The following JAKMIP3 variants were observed in gnomAD, a reference collection of about 807,000 sequenced individuals.
JAKMIP3 encodes janus kinase and microtubule-interacting protein 3.
A neutral mutation model predicts 118.5 loss-of-function variants in JAKMIP3; 58 were observed. The ratio of observed to expected loss-of-function variants is 0.49; its 90% CI spans 0.40 to 0.61. JAKMIP3 has a LOEUF of 0.61. JAKMIP3 is among the 20% of genes least tolerant of loss of function. The probability of loss-of-function intolerance (pLI) is 0.00; values close to 1 mark genes in which losing one functional copy is unlikely to be tolerated. For missense variants in JAKMIP3, 950 were observed against 1,109.0 expected, an observed-to-expected ratio of 0.86 and a Z score of 2.04; for synonymous variants, 486 against 451.2, an observed-to-expected ratio of 1.08 and a Z score of -0.98.
intron 19 of JAKMIP3, among the ~76,000 whole-genome samples, chr10:132,158,554 G>A (rs1306966331): frequency 6.6e-6 from 1 of 152,266 alleles, no homozygotes; most frequent in Non-Finnish European, 1.5e-5. Flanking sequence ...GCACATGGTT[G>A]CTGGTTGGGC....
chr10:132,170,417 CT>C (rs2059383325), intron 23 of JAKMIP3, among the ~76,000 whole-genome samples: 1 of 152,174 alleles, frequency 6.6e-6, no homozygotes, highest in South Asian at 2.1e-4. Flanking sequence ...CGGGCCAGGC[CT>C]CACAGCAGGG....
At chr10:132,120,729 G>A (rs892738312) in intron 3 of JAKMIP3, among the ~76,000 whole-genome samples, 1 of 152,164 alleles carries the variant, frequency 6.6e-6, no homozygotes, top group Admixed American at 6.5e-5. Flanking sequence ...CTGTCCCAAT[G>A]GGGCCCCCTT....
rs867618399 is a variant in JAKMIP3, at chr10:132,068,637, G to A, written c.-138+2576G>A. ...GAGGTGTCTCCTGTCCTGCACCTTA[G>A]CCCCAGGAGCTGCCTGGGCCTGCTT... On this transcript the variant is annotated intron_variant, in intron 1 of 23. Transcript: ENST00000684848. 2.6e-5 allele frequency among the ~76,000 whole-genome samples: 4 copies of A among 152,276 alleles called. No homozygotes were observed. In the South Asian group the frequency reaches 8.3e-4, roughly 32 times the overall value.
rs370991788 is a variant in JAKMIP3 at position 132,168,680 on chromosome 10, AGCTGGGAGCACCGCGG to A, written c.*752_*767del. 5 of 323,598 alleles carry A rather than the reference AGCTGGGAGCACCGCGG, an allele frequency of 1.5e-5. No individual in the cohort carries two copies. The highest frequency in any genetic ancestry group is 1.1e-4 in the African/African-American group (5 of 45,144). 20.0% of individuals were successfully genotyped at this position (323,598 alleles called of 1,614,324 possible). A position where few individuals can be genotyped will look rare whatever the true frequency, so the allele number is the denominator to read the frequency against. On this transcript the variant is annotated 3_prime_UTR_variant, in exon 23 of 24. Transcript: ENST00000684848. Reference sequence around the variant, plus strand: ...AGGCCAAGATCCCGCCCAAGCCGCCAGCTGGGAGCACCGCGGGACTGAGCCAAGGAAGGCGTGGGGA... The same window carrying A: ...AGGCCAAGATCCCGCCCAAGCCGCCAGACTGAGCCAAGGAAGGCGTGGGGA...
chr10:132,113,893 G>A (rs1395961847), intron 2 of JAKMIP3, among the ~76,000 whole-genome samples: 1 of 152,242 alleles, frequency 6.6e-6, no homozygotes, highest in African/African-American at 2.4e-5. Context: ...CCACGTGTGT[G>A]AGCCTGTGTC....
At chr10:132,122,419 G>A (rs1194152355) in intron 3 of JAKMIP3, among the ~76,000 whole-genome samples, 1 of 152,280 alleles carries the variant, frequency 6.6e-6, no homozygotes. Context: ...ACGGGAGGCT[G>A]TTGCCATCTC....
intron 19 of JAKMIP3, among the ~76,000 whole-genome samples, chr10:132,156,252 C>T (rs184796221): frequency 6.6e-6 from 1 of 152,336 alleles, no homozygotes; most frequent in Admixed American, 6.5e-5. Context: ...TTGGCCTCTG[C>T]TCTCCAGCCT....
chr10:132,171,227 G>A (rs907016850), intron 23 of JAKMIP3, among the ~76,000 whole-genome samples: 6 of 152,206 alleles, frequency 3.9e-5, no homozygotes, highest in African/African-American at 7.2e-5. Flanking sequence ...CTCTCCCACC[G>A]CGTCTGCTCC....
chr10:132,150,474 A>C (rs1012268444), intron 16 of JAKMIP3, among the ~76,000 whole-genome samples: 13 of 152,168 alleles, frequency 8.5e-5, no homozygotes, highest in African/African-American at 3.1e-4. Context: ...AAAGAATGTT[A>C]ATTACTGAGT....
chr10:132,085,062 G>C (rs2042208425), intron 1 of JAKMIP3, among the ~76,000 whole-genome samples: 5 of 151,988 alleles, frequency 3.3e-5, no homozygotes. Context: ...TCCTTGTTTT[G>C]GTGTTAGGGT....
At chr10:132,086,443 G>T (rs10870240) in intron 1 of JAKMIP3, among the ~76,000 whole-genome samples, 11,764 of 152,136 alleles carry the variant, frequency 0.077, 1,053 homozygotes, top group African/African-American at 0.22. Context: ...CCTGTCTAGT[G>T]CCGTCAGTGG....
intron 2 of JAKMIP3, among the ~76,000 whole-genome samples, chr10:132,114,589 C>G (rs1026865225): frequency 3.9e-5 from 6 of 152,156 alleles, no homozygotes; most frequent in African/African-American, 1.4e-4. Context: ...TGTCTTGGTT[C>G]TTTGCATTTC....
At chr10:132,165,087 T>G (rs978900264) in intron 21 of JAKMIP3, among the ~76,000 whole-genome samples, 1 of 152,240 alleles carries the variant, frequency 6.6e-6, no homozygotes, top group Non-Finnish European at 1.5e-5. Context: ...AAGCCTGGGC[T>G]GTGTGGAAGC....
upstream of JAKMIP3, among the ~76,000 whole-genome samples, chr10:132,064,571 C>T (rs1252412083): frequency 6.6e-6 from 1 of 152,212 alleles, no homozygotes; most frequent in African/African-American, 2.4e-5. This position sits in a 1 kb window ranked among gnomAD's most constrained non-coding sequence, Gnocchi z 4.4. Context: ...GCCGCATGGC[C>T]TCTTGGCGCT....
chr10:132,129,646 A>T (rs922868527), intron 3 of JAKMIP3, among the ~76,000 whole-genome samples: 2 of 152,130 alleles, frequency 1.3e-5, no homozygotes. Flanking sequence ...CCCCGTGATG[A>T]GAGGCACTGA....
At chr10:132,159,522 TCCTGTGTGATGCTGGGAGGGTCTCTC>T (rs1564981228) in intron 19 of JAKMIP3, among the ~76,000 whole-genome samples, 2 of 115,478 alleles carry the variant, frequency 1.7e-5, no homozygotes, top group Non-Finnish European at 3.5e-5. Context: ...GGGTGTGTCT[TCCTGTGTGATGCTGGGAGGGTCTCTC>T]CCTGTGTGAT....
intron 2 of JAKMIP3, among the ~76,000 whole-genome samples, chr10:132,115,055 A>G (rs929749900): frequency 6.6e-6 from 1 of 152,206 alleles, no homozygotes; most frequent in Non-Finnish European, 1.5e-5. Context: ...GCGAGGGTGA[A>G]TTACGCATGA....
intron 13 of JAKMIP3, among the ~76,000 whole-genome samples, chr10:132,146,097 C>T (rs1221459529): frequency 6.6e-6 from 1 of 152,144 alleles, no homozygotes; most frequent in African/African-American, 2.4e-5. Flanking sequence ...CTCTTGGTCC[C>T]AGATGACAAG....
At chr10:132,062,125 G>A (rs924251444), upstream of JAKMIP3, among the ~76,000 whole-genome samples, 10 of 152,210 alleles carry the variant, frequency 6.6e-5, no homozygotes, top group South Asian at 2.1e-4. Context: ...AAGAGGGGCC[G>A]GGAGAGCCCA....
Sources: allele counts gnomAD v4.1 joint callset (sites outside exome capture counted in the v4.1 genomes callset), GRCh38; gene constraint gnomAD v4.1.1; non-coding constraint Gnocchi (gnomAD v3.1); transcripts MANE v1.5; gene names NCBI Gene and HGNC (gene_info 2026-07-23, HGNC 2026-07-21).